The following VTI1A variants were observed in gnomAD, a reference collection of about 807,000 sequenced individuals.
The protein encoded by VTI1A is vesicle transport through interaction with t-SNAREs 1A.
Under a neutral mutation model 34.9 loss-of-function variants are expected in VTI1A, and 22 were observed. The observed-to-expected ratio is 0.63, with a 90% confidence interval of 0.45 to 0.90. The LOEUF (loss-of-function observed/expected upper bound fraction) is 0.90, where lower values mean the gene tolerates loss of function less well. VTI1A is among the 40% of genes least tolerant of loss of function. VTI1A has a pLI of 0.00. For synonymous variants in VTI1A, 87 were observed against 97.3 expected (o/e 0.89, Z 0.62); for missense variants, 268 against 275.6 (o/e 0.97, Z 0.20).
At chr10:112,696,900 C>A (rs1469127882) in intron 7 of VTI1A, among the ~76,000 whole-genome samples, 2 of 152,168 alleles carry the variant, frequency 1.3e-5, no homozygotes, top group Non-Finnish European at 2.9e-5. Context: ...ACCTCTGCTA[C>A]AAAGGTGGCT....
intron 7 of VTI1A, among the ~76,000 whole-genome samples, chr10:112,770,659 A>G (rs943599654): frequency 6.6e-6 from 1 of 151,050 alleles, no homozygotes; most frequent in Non-Finnish European, 1.5e-5. Context: ...ACCCGACTCC[A>G]CCTCCCAAAG....
intron 7 of VTI1A, among the ~76,000 whole-genome samples, chr10:112,762,406 A>G (rs990989108): frequency 6.6e-6 from 1 of 152,194 alleles, no homozygotes; most frequent in Non-Finnish European, 1.5e-5. Flanking sequence ...GAAGACAGAG[A>G]GGTTCCTACG....
At chr10:112,784,557 C>T (rs1488785721) in intron 7 of VTI1A, among the ~76,000 whole-genome samples, 3 of 152,106 alleles carry the variant, frequency 2.0e-5, no homozygotes, top group African/African-American at 4.8e-5. Flanking sequence ...AATGTTTTAA[C>T]GCTAAATTGG....
intron 7 of VTI1A, among the ~76,000 whole-genome samples, chr10:112,700,997 C>G (rs1848989922): frequency 6.6e-6 from 1 of 152,124 alleles, no homozygotes; most frequent in Admixed American, 6.5e-5. Context: ...TTTTAGGTTG[C>G]AAAGAGAGTT....
chr10:112,693,857 C>T (rs1297037314), intron 7 of VTI1A, among the ~76,000 whole-genome samples: 1 of 152,136 alleles, frequency 6.6e-6, no homozygotes, highest in Non-Finnish European at 1.5e-5. Context: ...ATCACTGTGC[C>T]CTCAGTCTTT....
intron 7 of VTI1A, among the ~76,000 whole-genome samples, chr10:112,783,696 A>G (rs1490348968): frequency 6.6e-6 from 1 of 152,220 alleles, no homozygotes; most frequent in East Asian, 1.9e-4. Context: ...ATTATGAGAC[A>G]TAATTTGATG....
intron 3 of VTI1A, among the ~76,000 whole-genome samples, chr10:112,516,912 TTGTC>T (rs1268953131): frequency 6.6e-6 from 1 of 152,162 alleles, no homozygotes; most frequent in East Asian, 1.9e-4. Flanking sequence ...ATATTCTACT[TTGTC>T]TGTGTTAAGC....
intron 7 of VTI1A, among the ~76,000 whole-genome samples, chr10:112,762,841 A>G (rs1851516177): frequency 6.6e-6 from 1 of 152,108 alleles, no homozygotes; most frequent in Admixed American, 6.5e-5. Context: ...TTCCCTTTAG[A>G]TTTCAGGGCC....
chr10:112,495,289 A>G (rs1394153630), intron 3 of VTI1A, among the ~76,000 whole-genome samples: 8 of 150,616 alleles, frequency 5.3e-5, no homozygotes, highest in Middle Eastern at 3.4e-3. Flanking sequence ...AGTGAGAAGA[A>G]GTGTACAATT....
chr10:112,828,854 A>G, the VTI1A span, among the ~76,000 whole-genome samples: 1 of 107,800 alleles, frequency 9.3e-6, no homozygotes, highest in African/African-American at 4.4e-5. Flanking sequence ...CTCAAAAAAG[A>G]AAAAAAAAAA....
intron 7 of VTI1A, among the ~76,000 whole-genome samples, chr10:112,704,914 G>A (rs2133907609): frequency 6.6e-6 from 1 of 152,112 alleles, no homozygotes; most frequent in South Asian, 2.1e-4. Context: ...CAGAGGCAGG[G>A]TCTCGCTCTG....
chr10:112,468,404 G>T (rs716168), intron 3 of VTI1A, among the ~76,000 whole-genome samples: 1 of 151,834 alleles, frequency 6.6e-6, no homozygotes, highest in African/African-American at 2.4e-5. Flanking sequence ...GATAACTTTC[G>T]TATGCTGACA....
At chr10:112,601,439 T>A (rs2134471710) in intron 5 of VTI1A, among the ~76,000 whole-genome samples, 1 of 151,826 alleles carries the variant, frequency 6.6e-6, no homozygotes, top group South Asian at 2.1e-4. Context: ...TTTTTTTTTT[T>A]AATTTAAATG....
chr10:112,631,129 CA>C (rs545985584), intron 5 of VTI1A, among the ~76,000 whole-genome samples: 82 of 138,504 alleles, frequency 5.9e-4, no homozygotes, highest in East Asian at 6.2e-4. Flanking sequence ...AACTCTGTCT[CA>C]AAAAAAAAAA....
At chr10:112,823,653 C>G (rs1853694210), downstream of VTI1A, 2 of 152,242 alleles carry the variant, frequency 1.3e-5, no homozygotes, top group Admixed American at 1.3e-4. Flanking sequence ...TGTCTGGGTG[C>G]ATGGCATTCA....
intron 5 of VTI1A, among the ~76,000 whole-genome samples, chr10:112,632,954 C>T (rs1281236262): frequency 6.6e-6 from 1 of 152,120 alleles, no homozygotes; most frequent in Admixed American, 6.5e-5. Context: ...AAGTTATTTT[C>T]CTGTATTTAT....
intron 3 of VTI1A, among the ~76,000 whole-genome samples, chr10:112,494,193 G>T (rs117277783): frequency 0.016 from 2,419 of 152,042 alleles, 35 homozygotes; most frequent in South Asian, 0.028. Flanking sequence ...CTAGCAATTT[G>T]TGCCCTTCAT....
rs1175362768 is a variant in VTI1A, at chr10:112,757,351, ATTTTTTTTTTTTTT to A, written c.561-57920_561-57907del. 7.4e-4 allele frequency among the ~76,000 whole-genome samples: 30 copies of A among 40,692 alleles called. 1 individual carries two copies. Among genetic ancestry groups the A allele is most frequent in the East Asian group, 2.9e-3 (3 of 1,036 alleles). The allele number at this position is 40,692 out of a possible 152,430, so 26.7% of individuals were successfully genotyped here. ...CTTTCACCCTTTCTTTGTTGCTGTG[ATTTTTTTTTTTTTT>A]TTTTTTTTTTTTTTTTTTGGAGACA... On this transcript the variant is annotated intron_variant, in intron 7 of 7. Coordinates refer to ENST00000393077, the MANE Select transcript of VTI1A (RefSeq NM_145206.4).
intron 5 of VTI1A, among the ~76,000 whole-genome samples, chr10:112,545,987 TATATAC>T (rs1851075934): frequency 1.4e-5 from 2 of 142,362 alleles, no homozygotes; most frequent in East Asian, 4.0e-4. Context: ...TATGTGTGTG[TATATAC>T]GTGTATACGC....
Sources: allele counts gnomAD v4.1 joint callset (sites outside exome capture counted in the v4.1 genomes callset), GRCh38; gene constraint gnomAD v4.1.1; transcripts MANE v1.5; gene names NCBI Gene and HGNC (gene_info 2026-07-23, HGNC 2026-07-21).